The following PDILT variants were observed in gnomAD, a reference collection of about 807,000 sequenced individuals.
PDILT encodes the protein protein disulfide isomerase like, testis expressed, also known as protein disulfide-isomerase-like protein of the testis.
Under a neutral mutation model 53.7 loss-of-function variants are expected in PDILT, and 43 were observed. That is an observed-to-expected ratio of 0.80 (90% CI 0.63 to 1.03). PDILT has a LOEUF of 1.03. PDILT is among the 50% of genes least tolerant of loss of function. The probability of loss-of-function intolerance (pLI) is 0.00; values close to 1 mark genes in which losing one functional copy is unlikely to be tolerated. For synonymous variants in PDILT, 282 were observed against 274.2 expected, an observed-to-expected ratio of 1.03 and a Z score of -0.28; for missense variants, 727 against 712.3, an observed-to-expected ratio of 1.02 and a Z score of -0.24.
chr16:20,381,540 G>A (rs1596589940), intron 3 of PDILT, among the ~76,000 whole-genome samples: 1 of 150,360 alleles, frequency 6.7e-6, no homozygotes, highest in South Asian at 2.1e-4. Context: ...GGAGGCTAAT[G>A]CAAGACAATC....
At chr16:20,366,086 T>C (rs1966187695) in intron 8 of PDILT, among the ~76,000 whole-genome samples, 2 of 124,084 alleles carry the variant, frequency 1.6e-5, no homozygotes, top group South Asian at 2.6e-4. Context: ...CAAGATTTCG[T>C]CTCCAAAAAA....
rs1186213740 is a variant in PDILT, at chr16:20,400,070, A to ATTTTT, written c.-7-764_-7-763insAAAAA. Reference sequence around the variant, plus strand: ...TCTATCTATCTATATATATATATATATATTTTTTGAGACGGAGTTTTGCTC... The same window carrying ATTTTT: ...TCTATCTATCTATATATATATATATATTTTTTATTTTTTGAGACGGAGTTTTGCTC... On this transcript the variant is annotated intron_variant, in intron 1 of 11. Coordinates refer to ENST00000302451, the MANE Select transcript of PDILT (RefSeq NM_174924.2). Among the ~76,000 whole-genome samples, 24 of 126,700 alleles carry ATTTTT rather than the reference A, an allele frequency of 1.9e-4. No homozygotes were observed. The South Asian group carries it at 2.6e-3, about 14-fold the overall frequency. The allele number at this position is 126,700 out of a possible 152,430, so 83.1% of individuals were successfully genotyped here. A position where few individuals can be genotyped will look rare whatever the true frequency, so the allele number is the denominator to read the frequency against.
At chr16:20,385,924 G>A (rs1387665951) in intron 2 of PDILT, 1 of 152,220 alleles carries the variant, frequency 6.6e-6, no homozygotes, top group Non-Finnish European at 1.5e-5. Flanking sequence ...GAGAGCTCAT[G>A]AGCGCCATCT....
At chr16:20,401,580 A>C (rs1167080050) in intron 1 of PDILT, among the ~76,000 whole-genome samples, 1 of 152,198 alleles carries the variant, frequency 6.6e-6, no homozygotes, top group Non-Finnish European at 1.5e-5. Context: ...CCAGATCTGC[A>C]AAAGCCTCAA....
intron 1 of PDILT, among the ~76,000 whole-genome samples, chr16:20,404,059 T>TTAAA (rs1966782563): frequency 6.6e-6 from 1 of 152,230 alleles, no homozygotes. Context: ...GTTGTTGTTG[T>TTAAA]CATTTTGAAC....
intron 2 of PDILT, among the ~76,000 whole-genome samples, chr16:20,394,987 G>A (rs1168809233): frequency 1.3e-5 from 2 of 152,152 alleles, no homozygotes; most frequent in Non-Finnish European, 2.9e-5. Context: ...TGATCTTTAA[G>A]ATAACTAGTC....
intron 1 of PDILT, among the ~76,000 whole-genome samples, chr16:20,401,951 C>G (rs974528405): frequency 6.6e-6 from 1 of 152,182 alleles, no homozygotes; most frequent in Non-Finnish European, 1.5e-5. Context: ...GATTCATGTC[C>G]AACAGGACGG....
chr16:20,393,093 T>C (rs1388719227), intron 2 of PDILT, among the ~76,000 whole-genome samples: 7 of 152,226 alleles, frequency 4.6e-5, no homozygotes, highest in African/African-American at 1.4e-4. Context: ...GGATGTTTTA[T>C]CTATGTAAAC....
At chr16:20,400,046 CT>C (rs1966713320) in intron 1 of PDILT, among the ~76,000 whole-genome samples, 1 of 122,166 alleles carries the variant, frequency 8.2e-6, no homozygotes, top group Non-Finnish European at 1.6e-5. Context: ...ATCTATCTAT[CT>C]ATCTATCTAT....
intron 11 of PDILT, 39 bp downstream of exon 11, chr16:20,360,529 T>C (rs769379180): frequency 4.7e-6 from 7 of 1,495,320 alleles, no homozygotes; most frequent in Middle Eastern, 1.7e-4. Context: ...GGATTCTGTG[T>C]GGGACAGAAT....
intron 10 of PDILT, among the ~76,000 whole-genome samples, chr16:20,361,878 G>T (rs918317822): frequency 4.6e-5 from 7 of 152,232 alleles, no homozygotes; most frequent in Non-Finnish European, 1.0e-4. Context: ...CTAAGGAGCA[G>T]GAACCTGGGC....
chr16:20,363,475 ATGTGTGTGTG>A (rs10535681), intron 9 of PDILT, among the ~76,000 whole-genome samples: 3 of 110,370 alleles, frequency 2.7e-5, no homozygotes, highest in African/African-American at 1.0e-4. Context: ...GTGTATGTGT[ATGTGTGTGTG>A]TGTGTGTGTG....
chr16:20,402,042 G>A (rs1354379953), intron 1 of PDILT, among the ~76,000 whole-genome samples: 4 of 152,358 alleles, frequency 2.6e-5, no homozygotes, highest in Admixed American at 6.5e-5. Context: ...TTGGCTCCAC[G>A]GAGCCAGCCA....
chr16:20,394,779 G>A (rs1484585343), intron 2 of PDILT, among the ~76,000 whole-genome samples: 2 of 152,192 alleles, frequency 1.3e-5, no homozygotes, highest in Non-Finnish European at 2.9e-5. Flanking sequence ...CCACCTTGCT[G>A]GCTGGAGGCA....
At chr16:20,395,690 G>A (rs1009256454) in intron 2 of PDILT, among the ~76,000 whole-genome samples, 4 of 152,162 alleles carry the variant, frequency 2.6e-5, no homozygotes, top group Non-Finnish European at 4.4e-5. Context: ...AGGTGTTTGG[G>A]TCATAGAGGT....
In PDILT at chr16:20,390,296, C is replaced by G. The variant is rs149914766; in HGVS notation, c.203-5445G>C. 1.3e-3 allele frequency among the ~76,000 whole-genome samples: 204 copies of G among 152,286 alleles called. 2 individuals carry two copies. Among genetic ancestry groups the G allele is most frequent in the East Asian group, 0.013 (66 of 5,184 alleles). On this transcript the variant is annotated intron_variant, in intron 2 of 11. Coordinates refer to ENST00000302451, the MANE Select transcript of PDILT (RefSeq NM_174924.2). Reference sequence around the variant, plus strand: ...CCTCCCTATTTTTCTGGCCTCATTTCTTAGTCCTCTTCTCTTCAGAAACCC... The same window carrying G: ...CCTCCCTATTTTTCTGGCCTCATTTGTTAGTCCTCTTCTCTTCAGAAACCC...
chr16:20,383,837 A>G (rs891897625), intron 3 of PDILT, among the ~76,000 whole-genome samples: 8 of 152,168 alleles, frequency 5.3e-5, no homozygotes, highest in Non-Finnish European at 1.2e-4. Flanking sequence ...TCCTGCATCC[A>G]TGAATGCCTT....
intron 9 of PDILT, among the ~76,000 whole-genome samples, chr16:20,364,744 A>C (rs532907068): frequency 5.3e-5 from 8 of 152,234 alleles, no homozygotes; most frequent in Non-Finnish European, 1.2e-4. Context: ...AAGCCCTGGA[A>C]GTAATTATAA....
At chr16:20,363,626 T>C (rs1223230552) in intron 9 of PDILT, among the ~76,000 whole-genome samples, 1 of 152,190 alleles carries the variant, frequency 6.6e-6, no homozygotes, top group East Asian at 1.9e-4. Context: ...AAAGACAGGC[T>C]GCTTTGACCT....
Sources: allele counts gnomAD v4.1 joint callset (sites outside exome capture counted in the v4.1 genomes callset), GRCh38; gene constraint gnomAD v4.1.1; transcripts MANE v1.5; gene names NCBI Gene and HGNC (gene_info 2026-07-23, HGNC 2026-07-21).